The following CAMK1D variants were observed in gnomAD, a reference collection of about 807,000 sequenced individuals.
CAMK1D encodes calcium/calmodulin-dependent protein kinase type 1D.
Under a neutral mutation model 47.7 loss-of-function variants are expected in CAMK1D, and 9 were observed. The observed-to-expected ratio is 0.19, with a 90% CI of 0.11 to 0.33. The LOEUF (loss-of-function observed/expected upper bound fraction) is 0.33. CAMK1D is among the 10% of genes least tolerant of loss of function. The probability of loss-of-function intolerance (pLI) is 1.00; values close to 1 mark genes in which losing one functional copy is unlikely to be tolerated. For synonymous variants in CAMK1D, 184 were observed against 184.9 expected (o/e 0.99, Z 0.04); for missense variants, 291 against 488.7 (o/e 0.60, Z 3.81).
chr10:12,375,663 G>A (rs993039079), intron 1 of CAMK1D, among the ~76,000 whole-genome samples: 6 of 152,154 alleles, frequency 3.9e-5, no homozygotes, highest in African/African-American at 7.2e-5. Context: ...TGGGTATCCC[G>A]ATTGCCTGTG....
At chr10:12,466,014 T>G (rs532809627) in intron 1 of CAMK1D, among the ~76,000 whole-genome samples, 2 of 152,324 alleles carry the variant, frequency 1.3e-5, no homozygotes, top group East Asian at 3.9e-4. Context: ...CCTCAGTTTC[T>G]TCATTTAAAA....
intron 1 of CAMK1D, among the ~76,000 whole-genome samples, chr10:12,392,895 A>G (rs1838789715): frequency 6.8e-6 from 1 of 147,266 alleles, no homozygotes; most frequent in Non-Finnish European, 1.5e-5. Context: ...GTAAGCCTCA[A>G]TTTTTCTTCC....
chr10:12,368,260 C>T (rs1316108848), intron 1 of CAMK1D, among the ~76,000 whole-genome samples: 1 of 151,720 alleles, frequency 6.6e-6, no homozygotes, highest in Non-Finnish European at 1.5e-5. Context: ...CATGCCTGTA[C>T]TCCCAGCTAC....
At chr10:12,563,074 C>T (rs148334470) in intron 2 of CAMK1D, among the ~76,000 whole-genome samples, 167 of 152,362 alleles carry the variant, frequency 1.1e-3, no homozygotes, top group African/African-American at 3.9e-3. Context: ...GGCTGAGAAG[C>T]TCCACAATCC....
chr10:12,770,793 A>T (rs1052474076), intron 5 of CAMK1D, among the ~76,000 whole-genome samples: 3 of 152,202 alleles, frequency 2.0e-5, no homozygotes, highest in African/African-American at 7.2e-5. Context: ...CATCCCAGGA[A>T]GAGTAACCAG....
At chr10:12,555,791 C>T (rs1836741061) in intron 2 of CAMK1D, among the ~76,000 whole-genome samples, 1 of 152,118 alleles carries the variant, frequency 6.6e-6, no homozygotes, top group African/African-American at 2.4e-5. Context: ...TGGTGTGATT[C>T]CCTTAGGGCT....
chr10:12,788,133 C>G (rs1837815762), intron 5 of CAMK1D, among the ~76,000 whole-genome samples: 3 of 152,226 alleles, frequency 2.0e-5, no homozygotes, highest in Admixed American at 6.5e-5. Context: ...ATAATTTAAA[C>G]TTTCCCCCAT....
intron 1 of CAMK1D, among the ~76,000 whole-genome samples, chr10:12,406,573 A>G (rs954901171): frequency 2.0e-5 from 3 of 151,532 alleles, no homozygotes; most frequent in African/African-American, 7.3e-5. Flanking sequence ...CTCCACAAAA[A>G]TTATCAGGGC....
intron 8 of CAMK1D, among the ~76,000 whole-genome samples, chr10:12,817,201 T>G (rs1205659200): frequency 6.6e-6 from 1 of 152,190 alleles, no homozygotes; most frequent in Non-Finnish European, 1.5e-5. Context: ...GAGATTTGGG[T>G]GGGGACAGAG....
At chr10:12,605,491 C>A (rs1009426981) in intron 2 of CAMK1D, among the ~76,000 whole-genome samples, 1 of 152,214 alleles carries the variant, frequency 6.6e-6, no homozygotes, top group South Asian at 2.1e-4. Flanking sequence ...GCTGCCCACC[C>A]CTGCCCAGCA....
intron 1 of CAMK1D, among the ~76,000 whole-genome samples, chr10:12,546,824 G>A (rs971485095): frequency 2.7e-5 from 4 of 150,356 alleles, no homozygotes; most frequent in Admixed American, 6.6e-5. Flanking sequence ...GTGGGGGTGG[G>A]GGAGGGATAG....
At chr10:12,395,640 C>T (rs993827881) in intron 1 of CAMK1D, among the ~76,000 whole-genome samples, 2 of 152,010 alleles carry the variant, frequency 1.3e-5, no homozygotes, top group Non-Finnish European at 2.9e-5. Flanking sequence ...TTCGGCCAGG[C>T]GAAGTGGGTC....
chr10:12,746,952 A>G (rs955643701), intron 3 of CAMK1D, among the ~76,000 whole-genome samples: 4 of 152,218 alleles, frequency 2.6e-5, no homozygotes, highest in African/African-American at 9.6e-5. Flanking sequence ...TGGTTCTCCA[A>G]AGTAACAGCC....
intron 2 of CAMK1D, among the ~76,000 whole-genome samples, chr10:12,641,649 A>G (rs1223689846): frequency 6.6e-6 from 1 of 152,054 alleles, no homozygotes; most frequent in African/African-American, 2.4e-5. Context: ...AAAAAGAGAA[A>G]CATTTAAACT....
At chr10:12,536,026 A>G (rs1249576844) in intron 1 of CAMK1D, among the ~76,000 whole-genome samples, 1 of 152,150 alleles carries the variant, frequency 6.6e-6, no homozygotes, top group Non-Finnish European at 1.5e-5. Flanking sequence ...GCTGGGACCT[A>G]GGGTCTCCTT....
chr10:12,810,151 TA>T (rs749675063), intron 6 of CAMK1D, among the ~76,000 whole-genome samples: 335 of 81,386 alleles, frequency 4.1e-3, no homozygotes, highest in African/African-American at 3.7e-3. Flanking sequence ...CCTGTCTCAT[TA>T]AAAAAAAAAA....
At chr10:12,550,865 C>T (rs1378702371) in intron 1 of CAMK1D, among the ~76,000 whole-genome samples, 3 of 152,204 alleles carry the variant, frequency 2.0e-5, no homozygotes, top group Admixed American at 2.0e-4. Flanking sequence ...CATCCATGTG[C>T]CAGTGGGAAC....
chr10:12,392,803 T>C (rs550978196), intron 1 of CAMK1D, among the ~76,000 whole-genome samples: 12 of 152,206 alleles, frequency 7.9e-5, no homozygotes, highest in Admixed American at 5.9e-4. Context: ...CCCAACCCCC[T>C]GACCCCCAGG....
Position 12,411,683 on chromosome 10 carries a change from T to C in CAMK1D, c.92+61773T>C, listed in dbSNP as rs375272049. On this transcript the variant is annotated intron_variant, in intron 1 of 10. Transcript: ENST00000619168. ...GCGTGATCTTGGTTCACTGCAACCT[T>C]CACCTTCTGGGTTCAAGCGATTCTT... Among the ~76,000 whole-genome samples, 159 of 151,526 alleles carry C rather than the reference T, an allele frequency of 1.0e-3. 1 individual carries two copies. The highest frequency in any genetic ancestry group is 3.6e-3 in the African/African-American group (150 of 41,282).
Sources: allele counts gnomAD v4.1 joint callset (sites outside exome capture counted in the v4.1 genomes callset), GRCh38; gene constraint gnomAD v4.1.1; transcripts MANE v1.5; gene names NCBI Gene and HGNC (gene_info 2026-07-23, HGNC 2026-07-21).